ZEB1: variants seen among roughly 807,000 people sequenced by gnomAD.
ZEB1 encodes the protein zinc finger E-box-binding homeobox 1.
ZEB1 carries 21 observed loss-of-function variants against 84.9 expected under a neutral mutation model. The observed-to-expected ratio is 0.25, with a 90% CI of 0.18 to 0.36. ZEB1 has a LOEUF of 0.36. Among genes scored for constraint, ZEB1 ranks in the 10% least tolerant of loss-of-function variants. The probability of loss-of-function intolerance (pLI) is 1.00; values close to 1 mark genes in which losing one functional copy is unlikely to be tolerated. For missense variants in ZEB1, 1,104 were observed against 1,330.2 expected (o/e 0.83, Z 2.65); for synonymous variants, 420 against 471.1 (o/e 0.89, Z 1.41).
intron 1 of ZEB1, among the ~76,000 whole-genome samples, chr10:31,406,639 A>G (rs920956456): frequency 2.6e-5 from 4 of 151,862 alleles, no homozygotes; most frequent in Admixed American, 1.3e-4. Flanking sequence ...CCATTCTCTC[A>G]GTTGCCTGTT....
intron 1 of ZEB1, among the ~76,000 whole-genome samples, chr10:31,399,204 C>T (rs895064083): frequency 6.6e-5 from 10 of 151,830 alleles, no homozygotes; most frequent in African/African-American, 1.7e-4. Flanking sequence ...CATGTCGGCC[C>T]GGCTGGTTTT....
chr10:31,505,310 A>G (rs1038791920), intron 4 of ZEB1, among the ~76,000 whole-genome samples: 8 of 152,078 alleles, frequency 5.3e-5, no homozygotes, highest in African/African-American at 1.9e-4. Flanking sequence ...TATAGAATGA[A>G]GTAGGGAGAA....
chr10:31,495,143 C>T (rs369486894), intron 2 of ZEB1, among the ~76,000 whole-genome samples: 28 of 152,040 alleles, frequency 1.8e-4, no homozygotes, highest in Admixed American at 1.3e-3. Flanking sequence ...CACCTAATAA[C>T]GGCATGTCTT....
In ZEB1 at chr10:31,527,236, T is replaced by C; in HGVS notation, c.3350T>C (p.Val1117Ala). The C allele has an allele frequency of 6.2e-7, 1 of 1,609,008 alleles. No individual in the cohort carries two copies. The highest frequency in any genetic ancestry group is 8.5e-7 in the Non-Finnish European group (1 of 1,178,170). Residue 1117 changes from valine (V) to alanine (A), a missense_variant, in exon 9 of 9, where the codon GTG (valine) becomes GCG (alanine). Physicochemically the swap from Val to Ala is moderately conservative, Grantham distance 64. Transcript: ENST00000424869. ...GQKVGESSEQ[V>A]SEEKTNEA Reference sequence around the variant, plus strand: ...AAAGTAGGCGAGAGTAGTGAGCAAGTGTCTGAAGAAAAGACAAATGAAGCC... The same window carrying C: ...AAAGTAGGCGAGAGTAGTGAGCAAGCGTCTGAAGAAAAGACAAATGAAGCC...
chr10:31,471,405 G>T (rs966444485), intron 2 of ZEB1, among the ~76,000 whole-genome samples: 3 of 151,140 alleles, frequency 2.0e-5, no homozygotes, highest in Admixed American at 2.0e-4. Flanking sequence ...AAAGGCAGGG[G>T]TTGCAATCCT....
At chr10:31,503,147 C>T (rs1167073519) in intron 4 of ZEB1, among the ~76,000 whole-genome samples, 1 of 151,930 alleles carries the variant, frequency 6.6e-6, no homozygotes, top group Non-Finnish European at 1.5e-5. Context: ...AAAAGGCTTT[C>T]AAAAAGCCTC....
chr10:31,520,973 A>C lies in ZEB1; in HGVS notation c.1641A>C (p.Glu547Asp), dbSNP rs1406745202. Residue 547 changes from glutamate to aspartate, a missense_variant, in exon 7 of 9, where the codon GAA becomes GAC. Glu to Asp is a conservative substitution (Grantham distance 45). Transcript: ENST00000424869. The surrounding 1 kb of genome is among the most constrained non-coding windows in gnomAD (Gnocchi z 5.1). ...DCPGDINALP[E>D]LKHYDLKQPT... ...CAGGAGATATTAATGCACTTCCAGA[A>C]TTAAAGCACTATGACCTAAAGCAGC... 1.9e-6 allele frequency: 3 copies of C among 1,614,118 alleles called. No homozygotes were observed.
chr10:31,404,792 T>C (rs991062418), intron 1 of ZEB1, among the ~76,000 whole-genome samples: 5 of 152,094 alleles, frequency 3.3e-5, no homozygotes, highest in African/African-American at 1.2e-4. Context: ...ATGTAAGCCA[T>C]GTGGTGGCTA....
At chr10:31,456,394 G>A (rs960995141) in intron 1 of ZEB1, among the ~76,000 whole-genome samples, 3 of 151,978 alleles carry the variant, frequency 2.0e-5, no homozygotes, top group East Asian at 1.9e-4. Flanking sequence ...AGAACTTAAA[G>A]TATAATAATA....
chr10:31,457,027 T>G (rs2061318078), intron 1 of ZEB1, among the ~76,000 whole-genome samples: 1 of 152,184 alleles, frequency 6.6e-6, no homozygotes, highest in African/African-American at 2.4e-5. Context: ...GAAGTTTAAA[T>G]TCATATTATC....
At chr10:31,366,307 T>A (rs574971062) in intron 1 of ZEB1, among the ~76,000 whole-genome samples, 1 of 152,322 alleles carries the variant, frequency 6.6e-6, no homozygotes, top group Non-Finnish European at 1.5e-5. Flanking sequence ...TGCCAATTAA[T>A]TAATTTTGTT....
intron 2 of ZEB1, among the ~76,000 whole-genome samples, chr10:31,471,768 GCACCA>G (rs1422879030): frequency 7.1e-6 from 1 of 141,212 alleles, no homozygotes; most frequent in Non-Finnish European, 1.5e-5. Flanking sequence ...ATTTTTTTCA[GCACCA>G]CACCACACCT....
intron 1 of ZEB1, chr10:31,387,381 C>T (rs2048815019): frequency 4.6e-6 from 4 of 878,970 alleles, no homozygotes; most frequent in Non-Finnish European, 5.5e-6. Context: ...GAAGGGAGGC[C>T]CTACCTGTGG....
intron 1 of ZEB1, among the ~76,000 whole-genome samples, chr10:31,381,019 C>A (rs1035504714): frequency 1.3e-5 from 2 of 152,056 alleles, no homozygotes; most frequent in Non-Finnish European, 2.9e-5. Flanking sequence ...GAACATGATA[C>A]TTCATTAAAT....
intron 1 of ZEB1, among the ~76,000 whole-genome samples, chr10:31,323,243 T>C (rs1246442019): frequency 6.6e-6 from 1 of 152,130 alleles, no homozygotes; most frequent in African/African-American, 2.4e-5. Context: ...TTTAGAATAC[T>C]TTTTAATCAC....
upstream of ZEB1, chr10:31,318,700 G>C (rs892443448): frequency 6.2e-6 from 1 of 161,480 alleles, no homozygotes; most frequent in Non-Finnish European, 1.4e-5. Flanking sequence ...GGGTGCGGGG[G>C]GCGGACACGC....
chr10:31,399,206 G>A (rs573944544), intron 1 of ZEB1, among the ~76,000 whole-genome samples: 1 of 152,138 alleles, frequency 6.6e-6, no homozygotes, highest in Admixed American at 6.5e-5. Flanking sequence ...TGTCGGCCCG[G>A]CTGGTTTTGA....
intron 1 of ZEB1, among the ~76,000 whole-genome samples, chr10:31,337,350 G>C (rs904635777): frequency 6.6e-6 from 1 of 151,940 alleles, no homozygotes; most frequent in Non-Finnish European, 1.5e-5. Flanking sequence ...TCAGGATAAT[G>C]TGTGTTTAAA....
chr10:31,362,321 G>C (rs527509179), intron 1 of ZEB1, among the ~76,000 whole-genome samples: 1 of 147,524 alleles, frequency 6.8e-6, no homozygotes, highest in Non-Finnish European at 1.5e-5. Flanking sequence ...CTTCCCGGAC[G>C]GGGCGGTGGC....
Sources: gnomAD v4.1 joint callset for allele counts (sites outside exome capture counted in the v4.1 genomes callset) on GRCh38, gnomAD v4.1.1 for gene constraint, Gnocchi (gnomAD v3.1) non-coding constraint, MANE v1.5 for transcripts, NCBI Gene and HGNC (gene_info 2026-07-23, HGNC 2026-07-21) for gene names.